MYO9B: variants seen among roughly 807,000 people sequenced by gnomAD.
MYO9B encodes the protein unconventional myosin-IXb.
A neutral mutation model predicts 229.5 loss-of-function variants in MYO9B; 71 were observed. That is an observed-to-expected ratio of 0.31 (90% CI 0.26 to 0.38). The LOEUF is 0.38. Among genes scored for constraint, MYO9B ranks in the 10% least tolerant of loss-of-function variants. The probability of loss-of-function intolerance (pLI) is 1.00; values close to 1 mark genes in which losing one functional copy is unlikely to be tolerated. For synonymous variants in MYO9B, 1,185 were observed against 1,235.8 expected, an observed-to-expected ratio of 0.96 and a Z score of 0.86; for missense variants, 2,255 against 2,920.5, an observed-to-expected ratio of 0.77 and a Z score of 5.25.
intron 2 of MYO9B, among the ~76,000 whole-genome samples, chr19:17,117,316 A>G (rs1003888332): frequency 9.9e-5 from 15 of 152,184 alleles, no homozygotes; most frequent in African/African-American, 4.8e-5. Context: ...TCAGTCCCCA[A>G]TGTCACAGTG....
chr19:17,093,854 A>G (rs1219696168), intron 1 of MYO9B, among the ~76,000 whole-genome samples: 1 of 135,222 alleles, frequency 7.4e-6, no homozygotes, highest in African/African-American at 2.7e-5. Flanking sequence ...CACTATGCCC[A>G]GCTAATTTAT....
chr19:17,189,508 T>C (rs1171577795), intron 19 of MYO9B, among the ~76,000 whole-genome samples: 1 of 151,916 alleles, frequency 6.6e-6, no homozygotes, highest in East Asian at 1.9e-4. Context: ...TGGCATGCAA[T>C]GTACTTCCAG....
rs765627657 is a variant in MYO9B at position 17,197,837 on chromosome 19, C to G, written c.4092C>G (p.Leu1364=). The change falls in exon 23 of 40, where the codon CTC becomes CTG. Residue 1364 remains leucine, a synonymous_variant. Coordinates refer to ENST00000682292, the MANE Select transcript of MYO9B (RefSeq NM_004145.4). ...CCACGAGCGACGTCTCCAAGCTCCT[C>G]CCGTCCCTGGCCAAGGCTCAGGTAA... ...SFSTSDVSKL[L]PSLAKAQPAA... is the part of the protein sequence containing the mutation. The G allele has an allele frequency of 1.2e-6, 2 of 1,613,530 alleles. No individual in the cohort carries two copies. Among genetic ancestry groups the G allele is most frequent in the South Asian group, 2.2e-5 (2 of 91,066 alleles).
chr19:17,152,530 T>G, intron 3 of MYO9B, 114 bp from the exon 4 acceptor site: 1 of 797,698 alleles, frequency 1.3e-6, no homozygotes, highest in Non-Finnish European at 1.9e-6. Flanking sequence ...GCCGTTGTAC[T>G]CCAGCCTGAA....
At chr19:17,118,355 A>G (rs552857008) in intron 2 of MYO9B, among the ~76,000 whole-genome samples, 31 of 151,978 alleles carry the variant, frequency 2.0e-4, no homozygotes, top group African/African-American at 6.8e-4. Context: ...TAATCCCGGC[A>G]CTTTGGCAGG....
At chr19:17,209,012 A>G (rs1005072070) in intron 35 of MYO9B, among the ~76,000 whole-genome samples, 7 of 150,696 alleles carry the variant, frequency 4.6e-5, no homozygotes, top group Non-Finnish European at 8.9e-5. Flanking sequence ...GACCACTCCA[A>G]GCTGAGTCCC....
intron 7 of MYO9B, 105 bp from the exon 8 acceptor site, chr19:17,159,290 C>A: frequency 9.6e-7 from 1 of 1,038,734 alleles, no homozygotes; most frequent in Non-Finnish European, 1.4e-6. Flanking sequence ...GGGGGTCCGT[C>A]TCCCAGCTGC....
intron 36 of MYO9B, 116 bp downstream of exon 36, chr19:17,209,825 G>A: frequency 7.3e-7 from 1 of 1,371,346 alleles, no homozygotes; most frequent in Non-Finnish European, 9.8e-7. Flanking sequence ...GTCTTGGTGG[G>A]CGGGGCCTTG....
chr19:17,210,603 A>T, intron 37 of MYO9B, 112 bp from the exon 38 acceptor site: 1 of 1,359,960 alleles, frequency 7.4e-7, no homozygotes, highest in Non-Finnish European at 9.8e-7. Flanking sequence ...AAGTCTCACT[A>T]AGAGCCCAGC....
intron 1 of MYO9B, among the ~76,000 whole-genome samples, chr19:17,094,536 T>A (rs2057670228): frequency 6.6e-6 from 1 of 152,210 alleles, no homozygotes; most frequent in South Asian, 2.1e-4. Flanking sequence ...CTTTCTGTCT[T>A]CATAGGTCAA....
In MYO9B at chr19:17,093,375, C is replaced by T. The variant is rs536857982; in HGVS notation, c.-58-8285C>T. 2.6e-5 allele frequency among the ~76,000 whole-genome samples: 4 copies of T among 152,170 alleles called. No homozygotes were observed. The South Asian group carries it at 8.3e-4, about 32-fold the overall frequency. ...AAGACATATATCTTCGGTTTGGGCT[C>T]CTGTATTCCTTACCTGGATTAGAAG... On this transcript the variant is annotated intron_variant, in intron 1 of 39. Coordinates refer to ENST00000682292, the MANE Select transcript of MYO9B (RefSeq NM_004145.4).
At chr19:17,206,480 A>G in intron 33 of MYO9B, 104 bp downstream of exon 33, 3 of 1,491,298 alleles carry the variant, frequency 2.0e-6, no homozygotes, top group Non-Finnish European at 2.7e-6. Flanking sequence ...ACAAACTGAG[A>G]AACTGAGGCC....
In MYO9B at chr19:17,101,772, C is replaced by T. The variant is rs997007530; in HGVS notation, c.55C>T (p.Leu19=). Residue 19 remains leucine (L), a synonymous_variant, in exon 2 of 40, where the codon CTG becomes TTG. Coordinates refer to ENST00000682292, the MANE Select transcript of MYO9B (RefSeq NM_004145.4). This position sits in a 1 kb window ranked among gnomAD's most constrained non-coding sequence, Gnocchi z 4.7. ...CCGCCGGGAGCAGGCGGCCTACCAC[C>T]TGCACATCTACCCCCAGCTGTCCAC... The part of the protein sequence containing the change: ...SGRREQAAYH[L]HIYPQLSTTE... The T allele has an allele frequency of 7.5e-6, 12 of 1,601,348 alleles. No homozygotes were observed. The highest frequency in any genetic ancestry group is 1.3e-5 in the African/African-American group (1 of 74,840).
intron 7 of MYO9B, among the ~76,000 whole-genome samples, chr19:17,158,586 C>T (rs930289906): frequency 3.3e-5 from 5 of 150,772 alleles, no homozygotes; most frequent in Non-Finnish European, 7.4e-5. Flanking sequence ...CAGAGCAAGA[C>T]TCCATCTAAA....
intron 20 of MYO9B, 128 bp downstream of exon 20, chr19:17,191,347 G>A (rs1187707161): frequency 8.0e-6 from 10 of 1,253,302 alleles, no homozygotes; most frequent in African/African-American, 1.5e-5. Flanking sequence ...TGCATTTCTC[G>A]GGACCCAGCA....
chr19:17,079,830 G>T (rs989978791), intron 1 of MYO9B, among the ~76,000 whole-genome samples: 1 of 152,104 alleles, frequency 6.6e-6, no homozygotes, highest in Non-Finnish European at 1.5e-5. Flanking sequence ...CCATTCAGAC[G>T]GCCCCAGGCG....
intron 2 of MYO9B, among the ~76,000 whole-genome samples, chr19:17,132,527 T>TA (rs1404599321): frequency 0.014 from 1,106 of 76,856 alleles, 9 homozygotes; most frequent in South Asian, 0.024. Flanking sequence ...TTATTATTAT[T>TA]TTTTTTTTTT....
At chr19:17,126,000 C>T (rs886750733) in intron 2 of MYO9B, among the ~76,000 whole-genome samples, 10 of 152,134 alleles carry the variant, frequency 6.6e-5, no homozygotes, top group Admixed American at 5.9e-4. Flanking sequence ...TCCTGTCTTG[C>T]ACCACATAGC....
intron 31 of MYO9B, 93 bp downstream of exon 31, chr19:17,205,429 G>T (rs1428214867): frequency 1.6e-6 from 2 of 1,239,840 alleles, no homozygotes; most frequent in African/African-American, 3.0e-5. Flanking sequence ...GCCAAGCGAA[G>T]CATTGAGCAG....
Sources: allele counts gnomAD v4.1 joint callset (sites outside exome capture counted in the v4.1 genomes callset), GRCh38; gene constraint gnomAD v4.1.1; non-coding constraint Gnocchi (gnomAD v3.1); transcripts MANE v1.5; gene names NCBI Gene and HGNC (gene_info 2026-07-23, HGNC 2026-07-21).